Variants in CDH13 observed in about 807,000 individuals in gnomAD.
CDH13 encodes the protein cadherin 13, also known as cadherin-13.
A neutral mutation model predicts 63.8 loss-of-function variants in CDH13; 24 were observed. That is an observed-to-expected ratio of 0.38 (90% confidence interval 0.27 to 0.53). The LOEUF (loss-of-function observed/expected upper bound fraction) is 0.53, where lower values mean the gene tolerates loss of function less well. Ranked by LOEUF, CDH13 falls within the 20% of genes least tolerant of loss-of-function variation. The pLI is 0.85. For missense variants in CDH13, 1,049 were observed against 903.1 expected (o/e 1.16, Z -2.07); for synonymous variants, 503 against 355.3 (o/e 1.42, Z -4.67).
chr16:83,649,107 A>G (rs538793444), intron 8 of CDH13, among the ~76,000 whole-genome samples: 7 of 152,206 alleles, frequency 4.6e-5, no homozygotes, highest in Admixed American at 4.6e-4. Context: ...TATGAAGTCC[A>G]GCCTCCTCGC....
At chr16:83,099,796 A>G (rs1168877923) in intron 3 of CDH13, among the ~76,000 whole-genome samples, 1 of 152,110 alleles carries the variant, frequency 6.6e-6, no homozygotes, top group East Asian at 1.9e-4. Context: ...TGAGTATTAA[A>G]TGAGATAATT....
intron 1 of CDH13, among the ~76,000 whole-genome samples, chr16:82,720,843 C>T (rs897625439): frequency 5.3e-5 from 8 of 152,186 alleles, no homozygotes; most frequent in African/African-American, 1.9e-4. Flanking sequence ...AAAAGGCCCT[C>T]GCCTGGCTCA....
chr16:83,332,852 G>C (rs1377762500), intron 5 of CDH13, among the ~76,000 whole-genome samples: 1 of 152,144 alleles, frequency 6.6e-6, no homozygotes. Context: ...TGCCCTGAAA[G>C]TCTAGTGTGA....
chr16:83,560,035 G>T (rs7190582), intron 7 of CDH13, among the ~76,000 whole-genome samples: 4 of 152,038 alleles, frequency 2.6e-5, no homozygotes, highest in Non-Finnish European at 4.4e-5. Context: ...AACCCTCATC[G>T]CTTCAACTTC....
intron 8 of CDH13, among the ~76,000 whole-genome samples, chr16:83,665,964 A>T (rs540301416): frequency 1.3e-5 from 2 of 152,242 alleles, no homozygotes; most frequent in Non-Finnish European, 2.9e-5. Flanking sequence ...AAGAAAAGAA[A>T]ATAATCAGTC....
In CDH13 at chr16:83,707,606, A is replaced by G. The variant is rs1907279698; in HGVS notation, c.1538+29145A>G. 3.3e-5 allele frequency among the ~76,000 whole-genome samples: 5 copies of G among 151,814 alleles called. No individual in the cohort carries two copies. In the South Asian group the frequency reaches 1.0e-3, roughly 32 times the overall value. ...ATAATTGCTGATCCCCTGTTCTACT[A>G]CTCTTCCCTATTCTGGCTGAGTTCC... is the stretch of plus-strand genomic sequence containing the variant. On this transcript the variant is annotated intron_variant, in intron 10 of 13. Coordinates refer to ENST00000567109, the MANE Select transcript of CDH13 (RefSeq NM_001257.5).
At chr16:83,071,199 T>C (rs887024810) in intron 3 of CDH13, among the ~76,000 whole-genome samples, 10 of 152,082 alleles carry the variant, frequency 6.6e-5, no homozygotes, top group African/African-American at 2.4e-4. Context: ...TATACATGAG[T>C]GTTAGAAGCC....
intron 2 of CDH13, among the ~76,000 whole-genome samples, chr16:82,900,135 C>G (rs1293806518): frequency 6.6e-6 from 1 of 152,310 alleles, no homozygotes; most frequent in East Asian, 1.9e-4. Flanking sequence ...TTGCAGCTGC[C>G]ATTCCCTCTG....
At chr16:82,929,925 C>G (rs1365589912) in intron 2 of CDH13, among the ~76,000 whole-genome samples, 2 of 151,970 alleles carry the variant, frequency 1.3e-5, no homozygotes, top group Admixed American at 6.6e-5. Flanking sequence ...ATACACATAA[C>G]AACACTCAGA....
At chr16:82,980,283 C>G (rs1219517353) in intron 2 of CDH13, among the ~76,000 whole-genome samples, 1 of 152,132 alleles carries the variant, frequency 6.6e-6, no homozygotes, top group Non-Finnish European at 1.5e-5. Context: ...CCTGCCTTCC[C>G]TCTGTAATGA....
At chr16:82,647,130 G>A (rs1044341445) in intron 1 of CDH13, among the ~76,000 whole-genome samples, 1 of 152,208 alleles carries the variant, frequency 6.6e-6, no homozygotes, top group African/African-American at 2.4e-5. Context: ...TGGGCAAGTT[G>A]CTTAACCTCT....
At chr16:83,379,890 ATAGATATATGTATTATATATGTGTGTGTG>A (rs2091525494) in intron 6 of CDH13, among the ~76,000 whole-genome samples, 1 of 147,894 alleles carries the variant, frequency 6.8e-6, no homozygotes, top group Non-Finnish European at 1.5e-5. Flanking sequence ...GTGTGTGTAT[ATAGATATATGTATTATATATGTGTGTGTG>A]TATATATATA....
At chr16:83,738,509 A>G (rs1417102031) in intron 10 of CDH13, among the ~76,000 whole-genome samples, 1 of 152,208 alleles carries the variant, frequency 6.6e-6, no homozygotes, top group Non-Finnish European at 1.5e-5. Context: ...TTCCTTGGGT[A>G]AATGCGAGTG....
At chr16:83,132,817 C>G (rs900395749) in intron 4 of CDH13, among the ~76,000 whole-genome samples, 4 of 152,172 alleles carry the variant, frequency 2.6e-5, no homozygotes, top group African/African-American at 9.7e-5. Context: ...TACAGAGTAT[C>G]TAAGATGCCT....
At chr16:82,737,383 A>G (rs1425961276) in intron 1 of CDH13, among the ~76,000 whole-genome samples, 2 of 152,106 alleles carry the variant, frequency 1.3e-5, no homozygotes, top group African/African-American at 4.8e-5. Context: ...TTGCCCTTCC[A>G]TGTTATTTCC....
rs182121478 is a variant in CDH13, at chr16:83,207,038, T to G, written c.484-10307T>G. ...AAGGACATAGAGGATCTGAATAGTT[T>G]AATCAGTTAATACTAGAAAAGATAG... On this transcript the variant is annotated intron_variant, in intron 4 of 13. Transcript: ENST00000567109. Among the ~76,000 whole-genome samples, 377 of 152,346 alleles carry G rather than the reference T, an allele frequency of 2.5e-3. 1 individual carries two copies. Among genetic ancestry groups the G allele is most frequent in the Admixed American group, 4.4e-3 (67 of 15,310 alleles).
At chr16:83,020,995 C>G (rs1269182431) in intron 2 of CDH13, among the ~76,000 whole-genome samples, 1 of 152,204 alleles carries the variant, frequency 6.6e-6, no homozygotes, top group Non-Finnish European at 1.5e-5. Context: ...CAGAAGGAGA[C>G]TTTTACACAT....
chr16:82,766,626 T>C (rs891034740), intron 1 of CDH13, among the ~76,000 whole-genome samples: 1 of 152,194 alleles, frequency 6.6e-6, no homozygotes, highest in Non-Finnish European at 1.5e-5. Context: ...GAGACAGTGG[T>C]CACTCTATCA....
At chr16:82,707,457 C>A (rs1182671017) in intron 1 of CDH13, among the ~76,000 whole-genome samples, 2 of 152,272 alleles carry the variant, frequency 1.3e-5, no homozygotes, top group East Asian at 3.9e-4. Flanking sequence ...CCTCAAGGCA[C>A]GGAGAGATGA....
Sources: gnomAD v4.1 joint callset for allele counts (sites outside exome capture counted in the v4.1 genomes callset) on GRCh38, gnomAD v4.1.1 for gene constraint, MANE v1.5 for transcripts, NCBI Gene and HGNC (gene_info 2026-07-23, HGNC 2026-07-21) for gene names.